HPSE2: variants seen among roughly 807,000 people sequenced by gnomAD.
HPSE2 encodes heparanase 2 (inactive).
In HPSE2, 38 loss-of-function variants were observed where a neutral mutation model predicts 60.5. That is an observed-to-expected ratio of 0.63 (90% CI 0.48 to 0.82). HPSE2 has a LOEUF of 0.82. Ranked by LOEUF, HPSE2 falls within the 40% of genes least tolerant of loss-of-function variation. The pLI is 0.00. For missense variants in HPSE2, 713 were observed against 740.4 expected (o/e 0.96, Z 0.43); for synonymous variants, 295 against 293.2 (o/e 1.01, Z -0.06).
chr10:98,538,170 C>T (rs939169917), intron 9 of HPSE2, among the ~76,000 whole-genome samples: 2 of 152,166 alleles, frequency 1.3e-5, no homozygotes, highest in Non-Finnish European at 2.9e-5. Flanking sequence ...CTACCGGTCT[C>T]TGCGTCTTGA....
rs1254608857 is a variant in HPSE2 at position 98,600,877 on chromosome 10, A to G, written c.1320+14027T>C. 3.3e-3 allele frequency among the ~76,000 whole-genome samples: 451 copies of G among 138,384 alleles called. 4 individuals are homozygous for G. The highest frequency in any genetic ancestry group is 0.012 in the African/African-American group (437 of 37,584). 90.8% of individuals were successfully genotyped at this position (138,384 alleles called of 152,430 possible). On this transcript the variant is annotated intron_variant, in intron 9 of 11. Coordinates refer to ENST00000370552, the MANE Select transcript of HPSE2 (RefSeq NM_021828.5). ...ATATTATATATATACGTATATATGT[A>G]TATATACATATATACGTATATATAT... is the stretch of plus-strand genomic sequence containing the variant.
intron 6 of HPSE2, among the ~76,000 whole-genome samples, chr10:98,667,393 T>A (rs1947392536): frequency 6.6e-6 from 1 of 152,016 alleles, no homozygotes; most frequent in Non-Finnish European, 1.5e-5. Flanking sequence ...TTCCAAAAAA[T>A]AAAGGCGGAG....
At chr10:99,132,191 AAGAGAGAGAGAGAGAGAGAGAG>A (rs781059893) in intron 3 of HPSE2, among the ~76,000 whole-genome samples, 1 of 71,876 alleles carries the variant, frequency 1.4e-5, no homozygotes, top group African/African-American at 6.4e-5. Context: ...GAAAGAAAGA[AAGAGAGAGAGAGAGAGAGAGAG>A]AGAGAGAGAG....
intron 3 of HPSE2, among the ~76,000 whole-genome samples, chr10:98,953,196 AG>A (rs1325265249): frequency 6.6e-6 from 1 of 152,176 alleles, no homozygotes; most frequent in Non-Finnish European, 1.5e-5. Context: ...GGCAACTCTA[AG>A]ATGTTCCATA....
At chr10:99,289,047 G>T in the HPSE2 span, among the ~76,000 whole-genome samples, 1 of 152,080 alleles carries the variant, frequency 6.6e-6, no homozygotes, top group African/African-American at 2.4e-5. Flanking sequence ...AGCCCCAAAA[G>T]ATTTTTTCAC....
At chr10:99,006,455 G>A (rs1046363621) in intron 3 of HPSE2, among the ~76,000 whole-genome samples, 1 of 152,186 alleles carries the variant, frequency 6.6e-6, no homozygotes, top group South Asian at 2.1e-4. Context: ...CTATGACCTG[G>A]TGCTAGAGTG....
intron 3 of HPSE2, among the ~76,000 whole-genome samples, chr10:98,846,061 G>A (rs1952027624): frequency 6.6e-6 from 1 of 152,160 alleles, no homozygotes; most frequent in South Asian, 2.1e-4. Context: ...TCTCTTTACA[G>A]CTAGAGTTTA....
intron 3 of HPSE2, among the ~76,000 whole-genome samples, chr10:99,066,317 A>G (rs1842615410): frequency 6.6e-6 from 1 of 152,234 alleles, no homozygotes; most frequent in African/African-American, 2.4e-5. Flanking sequence ...GAAAAGGAAA[A>G]AGATCTCTCA....
rs534467247 is a variant in HPSE2, at chr10:98,524,945, TACCATGACAG to T, written c.1321-34759_1321-34750del. On this transcript the variant is annotated intron_variant, in intron 9 of 11. Transcript: ENST00000370552. ...ACAATGTTAAATAGCACATTAAAAA[TACCATGACAG>T]ATCAGGAGAGAGACTGGAAGAAAAG... 4.9e-3 allele frequency among the ~76,000 whole-genome samples: 742 copies of T among 152,364 alleles called. 7 individuals are homozygous for T. Among genetic ancestry groups the T allele is most frequent in the African/African-American group, 0.017 (703 of 41,590 alleles).
chr10:98,491,208 CTT>C (rs11337181), intron 9 of HPSE2, among the ~76,000 whole-genome samples: 10,108 of 149,864 alleles, frequency 0.067, 390 homozygotes, highest in South Asian at 0.14. Flanking sequence ...TTCTGATAAT[CTT>C]TTTTTTTTTT....
chr10:98,946,855 C>T (rs1330706910), intron 3 of HPSE2, among the ~76,000 whole-genome samples: 2 of 152,070 alleles, frequency 1.3e-5, no homozygotes, highest in South Asian at 2.1e-4. Flanking sequence ...AGTTGTATTC[C>T]GTTAAAACAC....
intron 3 of HPSE2, chr10:99,047,904 T>C (rs1303343560): frequency 1.3e-6 from 1 of 762,024 alleles, no homozygotes; most frequent in African/African-American, 1.7e-5. Flanking sequence ...GAACCCAAAC[T>C]GGCGTTTGTC....
intron 2 of HPSE2, among the ~76,000 whole-genome samples, chr10:99,182,137 T>C (rs768550636): frequency 1.3e-4 from 20 of 152,348 alleles, no homozygotes; most frequent in Middle Eastern, 3.4e-3. Flanking sequence ...TTTGTTATGG[T>C]AGCCCTAGCA....
chr10:98,777,763 CCTT>C (rs1950372886), intron 3 of HPSE2, among the ~76,000 whole-genome samples: 4 of 152,238 alleles, frequency 2.6e-5, no homozygotes, highest in Middle Eastern at 3.4e-3. Flanking sequence ...GCCTCCTTGT[CCTT>C]CTTCTTCCCT....
intron 11 of HPSE2, among the ~76,000 whole-genome samples, chr10:98,471,711 T>C (rs1940788591): frequency 6.6e-6 from 1 of 152,154 alleles, no homozygotes; most frequent in South Asian, 2.1e-4. Context: ...ACCAGGGATG[T>C]TCATGTGTAG....
chr10:99,094,769 C>T lies in HPSE2; in HGVS notation c.610+49469G>A, dbSNP rs559252363. ...GCAGGGTTTCACCGTGTTGGCCAGG[C>T]TAGTCTCAAACTACTAACCTCTAGT... On this transcript the variant is annotated intron_variant, in intron 3 of 11. Coordinates refer to ENST00000370552, the MANE Select transcript of HPSE2 (RefSeq NM_021828.5). Among the ~76,000 whole-genome samples, 69 of 151,292 alleles carry T rather than the reference C, an allele frequency of 4.6e-4. No individual in the cohort carries two copies. In the South Asian group the frequency reaches 0.014, roughly 31 times the overall value.
intron 9 of HPSE2, among the ~76,000 whole-genome samples, chr10:98,542,688 C>T (rs1300070230): frequency 1.0e-4 from 15 of 150,264 alleles, no homozygotes; most frequent in African/African-American, 3.6e-4. Context: ...AATGCAGAAG[C>T]CTCAGGAGCC....
At chr10:98,482,541 T>C (rs1391750518) in intron 11 of HPSE2, 95 bp downstream of exon 11, 15 of 1,495,750 alleles carry the variant, frequency 1.0e-5, no homozygotes, top group Non-Finnish European at 1.1e-5. Flanking sequence ...CACTGAGCCC[T>C]TGAGAGAATT....
At chr10:99,072,494 C>T (rs1244574089) in intron 3 of HPSE2, among the ~76,000 whole-genome samples, 1 of 152,032 alleles carries the variant, frequency 6.6e-6, no homozygotes, top group Admixed American at 6.6e-5. Flanking sequence ...GGGCAAGAGA[C>T]ATGAACAGAC....
Sources: allele counts gnomAD v4.1 joint callset (sites outside exome capture counted in the v4.1 genomes callset), GRCh38; gene constraint gnomAD v4.1.1; transcripts MANE v1.5; gene names NCBI Gene and HGNC (gene_info 2026-07-23, HGNC 2026-07-21).